TMEM87A: variants seen among roughly 807,000 people sequenced by gnomAD.
The protein encoded by TMEM87A is Golgi-pH regulating cation channel.
A neutral mutation model predicts 90.0 loss-of-function variants in TMEM87A; 50 were observed. The observed-to-expected ratio is 0.56, with a 90% CI of 0.44 to 0.70. The LOEUF (loss-of-function observed/expected upper bound fraction) is 0.70. Ranked by LOEUF, TMEM87A falls within the 30% of genes least tolerant of loss-of-function variation. TMEM87A has a pLI of 0.00. For missense variants in TMEM87A, 577 were observed against 660.5 expected (o/e 0.87, Z 1.39); for synonymous variants, 226 against 226.7 (o/e 1.00, Z 0.03).
In TMEM87A at chr15:42,237,415, A is replaced by AT. The variant is rs773910768; in HGVS notation, c.868+16dup. The AT allele has an allele frequency of 1.2e-6, 2 of 1,611,902 alleles. No individual in the cohort carries two copies. The highest frequency in any genetic ancestry group is 1.3e-5 in the African/African-American group (1 of 74,866). On this transcript the variant is annotated intron_variant, in intron 9 of 19. Transcript: ENST00000389834. The stretch of plus-strand genomic sequence containing the variant: ...CTTCCAACCACTCGAACTGGCAAAG[A>AT]TTTTCTGGTTACTTACCAGATTCTC...
intron 3 of TMEM87A, among the ~76,000 whole-genome samples, chr15:42,265,802 G>C (rs986137922): frequency 2.0e-5 from 3 of 152,180 alleles, no homozygotes; most frequent in Non-Finnish European, 1.5e-5. Flanking sequence ...CCCATGTCCA[G>C]AATGGTATTG....
intron 6 of TMEM87A, among the ~76,000 whole-genome samples, chr15:42,249,542 C>T (rs1285081249): frequency 9.9e-5 from 15 of 152,112 alleles, no homozygotes; most frequent in Non-Finnish European, 8.8e-5. Context: ...GTTATTTATC[C>T]AGCAGTCATT....
At chr15:42,265,869 C>T (rs1341551056) in intron 3 of TMEM87A, among the ~76,000 whole-genome samples, 2 of 152,158 alleles carry the variant, frequency 1.3e-5, no homozygotes, top group Non-Finnish European at 2.9e-5. Context: ...AGTCTTTAAT[C>T]TATCTTGAGT....
intron 6 of TMEM87A, among the ~76,000 whole-genome samples, chr15:42,260,017 T>C (rs2051258164): frequency 3.2e-5 from 4 of 123,474 alleles, no homozygotes; most frequent in Non-Finnish European, 5.4e-5. Context: ...GAATTAGCGA[T>C]TGGTGCTTGC....
chr15:42,273,415 T>C lies in TMEM87A; in HGVS notation c.-17A>G. 6.2e-7 allele frequency: 1 copy of C among 1,613,378 alleles called. No homozygotes were observed. The highest frequency in any genetic ancestry group is 8.5e-7 in the Non-Finnish European group (1 of 1,179,840). ...CGCCGCCATCTTCACAGCCGTGGAG[T>C]GCCTACCGAAAGCATTTCACCCTCT... On this transcript the variant is annotated 5_prime_UTR_variant, in exon 1 of 20. Coordinates refer to ENST00000389834, the MANE Select transcript of TMEM87A (RefSeq NM_015497.5).
At chr15:42,250,356 T>C (rs1470403936) in intron 6 of TMEM87A, among the ~76,000 whole-genome samples, 1 of 152,240 alleles carries the variant, frequency 6.6e-6, no homozygotes, top group Non-Finnish European at 1.5e-5. Flanking sequence ...AGTTTCTTCC[T>C]AGCATCGATG....
intron 17 of TMEM87A, 66 bp downstream of exon 17, chr15:42,219,515 T>C (rs1342606774): frequency 3.9e-6 from 5 of 1,285,624 alleles, no homozygotes; most frequent in Non-Finnish European, 3.2e-6. Context: ...TGTTTTCTTC[T>C]AGTAGTTCTA....
intron 6 of TMEM87A, 78 bp downstream of exon 6, chr15:42,260,880 G>A: frequency 6.9e-7 from 1 of 1,459,214 alleles, no homozygotes; most frequent in Non-Finnish European, 9.4e-7. Context: ...GCATAGTATG[G>A]GAGAACAATT....
intron 15 of TMEM87A, among the ~76,000 whole-genome samples, chr15:42,225,514 C>T (rs961047433): frequency 6.6e-6 from 1 of 152,154 alleles, no homozygotes; most frequent in South Asian, 2.1e-4. Flanking sequence ...ACAGGAGAGA[C>T]TCAGTGTAAG....
intron 19 of TMEM87A, among the ~76,000 whole-genome samples, chr15:42,213,241 CTG>C (rs1463851708): frequency 6.6e-6 from 1 of 152,248 alleles, no homozygotes; most frequent in Admixed American, 6.5e-5. Context: ...GCACGAGAGA[CTG>C]TTTTCTGTCT....
intron 6 of TMEM87A, chr15:42,258,987 G>A: frequency 1.2e-6 from 1 of 854,556 alleles, no homozygotes; most frequent in Non-Finnish European, 2.0e-6. Context: ...AAAGGCATCT[G>A]AATCTAGGAA....
At chr15:42,266,445 G>A (rs1256816376) in intron 3 of TMEM87A, among the ~76,000 whole-genome samples, 1 of 151,998 alleles carries the variant, frequency 6.6e-6, no homozygotes, top group East Asian at 1.9e-4. Flanking sequence ...GAACCCAGGA[G>A]GCAGAGGTTG....
rs10681614 is a variant in TMEM87A at position 42,264,699 on chromosome 15, A to ATATTTTTTTTTTTT, written c.292-497_292-496insAAAAAAAAAAAATA. Among the ~76,000 whole-genome samples, 51 of 109,432 alleles carry ATATTTTTTTTTTTT rather than the reference A, an allele frequency of 4.7e-4. 1 individual carries two copies. Among genetic ancestry groups the ATATTTTTTTTTTTT allele is most frequent in the East Asian group, 2.0e-3 (7 of 3,458 alleles). The allele number at this position is 109,432 out of a possible 152,430, so 71.8% of individuals were successfully genotyped here. A position where few individuals can be genotyped will look rare whatever the true frequency, so the allele number is the denominator to read the frequency against. On this transcript the variant is annotated intron_variant, in intron 3 of 19. Coordinates refer to ENST00000389834, the MANE Select transcript of TMEM87A (RefSeq NM_015497.5). ...TATGTGTGTGTATATATATATATAT[A>ATATTTTTTTTTTTT]TTTTTTTTTTAACTTTTATTTTAGG...
intron 11 of TMEM87A, among the ~76,000 whole-genome samples, chr15:42,232,566 C>T (rs1307414449): frequency 1.3e-5 from 2 of 152,054 alleles, no homozygotes; most frequent in South Asian, 2.1e-4. Context: ...CTCCGCCTCC[C>T]GAGTTCACAC....
At chr15:42,272,530 C>G (rs1345601210) in intron 1 of TMEM87A, 3 of 200,952 alleles carry the variant, frequency 1.5e-5, no homozygotes, top group African/African-American at 7.1e-5. Flanking sequence ...TTTAATGGGG[C>G]TAATGCTTTT....
intron 11 of TMEM87A, chr15:42,231,964 T>C: frequency 9.2e-7 from 1 of 1,089,844 alleles, no homozygotes; most frequent in Non-Finnish European, 1.2e-6. Context: ...AGGGTTAAAG[T>C]TGCTAGAAGT....
chr15:42,259,368 C>T (rs1024988285), intron 6 of TMEM87A, among the ~76,000 whole-genome samples: 3 of 152,144 alleles, frequency 2.0e-5, no homozygotes, highest in African/African-American at 7.2e-5. Context: ...AAGTGATCTG[C>T]CCACCTAGGC....
At position 42,227,032 on chromosome 15, in the gene TMEM87A, C is replaced by CTAAG. The variant is rs141376247; in HGVS notation, c.1300-124_1300-123insCTTA. ...TCAAGTTATGTTTACTAAGAGCCTG[C>CTAAG]TACGTGCTCAGTACTGTGGTAAGTG... On this transcript the variant is annotated intron_variant, in intron 14 of 19. Coordinates refer to ENST00000389834, the MANE Select transcript of TMEM87A (RefSeq NM_015497.5). 9.2e-3 allele frequency: 8,143 copies of CTAAG among 888,858 alleles called. 81 individuals are homozygous for CTAAG. Among genetic ancestry groups the CTAAG allele is most frequent in the South Asian group, 0.013 (826 of 62,972 alleles). The allele number at this position is 888,858 out of a possible 1,614,324, so 55.1% of individuals were successfully genotyped here.
intron 6 of TMEM87A, among the ~76,000 whole-genome samples, chr15:42,259,324 C>T (rs777543891): frequency 2.8e-4 from 42 of 152,038 alleles, no homozygotes; most frequent in South Asian, 8.3e-4. Context: ...GGTTTCACCA[C>T]GTTGGCCAGG....
Sources: gnomAD v4.1 joint callset for allele counts (sites outside exome capture counted in the v4.1 genomes callset) on GRCh38, gnomAD v4.1.1 for gene constraint, MANE v1.5 for transcripts, NCBI Gene and HGNC (gene_info 2026-07-23, HGNC 2026-07-21) for gene names.